The following LZTS1 variants were observed in gnomAD, a reference collection of about 807,000 sequenced individuals.
LZTS1 encodes the protein leucine zipper putative tumor suppressor 1.
A neutral mutation model predicts 45.8 loss-of-function variants in LZTS1; 31 were observed. The observed-to-expected ratio is 0.68, with a 90% CI of 0.51 to 0.91. The LOEUF is 0.91. LZTS1 is among the 40% of genes least tolerant of loss of function. LZTS1 has a pLI of 0.00. For synonymous variants in LZTS1, 359 were observed against 357.3 expected, an observed-to-expected ratio of 1.00 and a Z score of -0.05; for missense variants, 821 against 788.9, an observed-to-expected ratio of 1.04 and a Z score of -0.49.
At chr8:20,301,242 T>C (rs1219783533) in intron 1 of LZTS1, among the ~76,000 whole-genome samples, 1 of 151,712 alleles carries the variant, frequency 6.6e-6, no homozygotes, top group Non-Finnish European at 1.5e-5. Context: ...CAGAATAACA[T>C]GGACAGAGCC....
At chr8:20,295,275 T>C (rs1408929363) in intron 1 of LZTS1, among the ~76,000 whole-genome samples, 2 of 152,190 alleles carry the variant, frequency 1.3e-5, no homozygotes, top group African/African-American at 2.4e-5. Flanking sequence ...CCCCCAGCCT[T>C]CTGCACAAGG....
Position 20,255,531 on chromosome 8 carries a change from A to T in LZTS1, c.-134-216T>A, listed in dbSNP as rs565607542. 1.1e-3 allele frequency among the ~76,000 whole-genome samples: 170 copies of T among 152,264 alleles called. 2 individuals are homozygous for T. The highest frequency in any genetic ancestry group is 2.1e-3 in the Non-Finnish European group (146 of 68,012). On this transcript the variant is annotated intron_variant, in intron 1 of 3. Transcript: ENST00000381569. The stretch of plus-strand genomic sequence containing the variant: ...CAAGCCTCTACTCTAAACACTCGGG[A>T]CCCAGCAAGTGACTAAAACAGTCAC...
chr8:20,263,804 G>A (rs182077292), intron 1 of LZTS1, among the ~76,000 whole-genome samples: 134 of 152,282 alleles, frequency 8.8e-4, no homozygotes, highest in Non-Finnish European at 1.6e-3. Context: ...TCAGGGAACA[G>A]TGTCTCCCGA....
At position 20,253,039 on chromosome 8, in the gene LZTS1, G is replaced by C; in HGVS notation, c.892C>G (p.Arg298Gly). ...ELASSLAYEE[R>G]PRRCRDELEG... The stretch of plus-strand genomic sequence containing the variant: ...AGCTCGTCCCTGCAGCGCCGCGGCC[G>C]CTCCTCGTAGGCCAGGCTGGAGGCA... The change falls in exon 3 of 4, where the codon CGG (arginine) becomes GGG (glycine). Residue 298 changes from arginine to glycine, a missense_variant. Physicochemically the swap from Arg to Gly is moderately radical, Grantham distance 125. Coordinates refer to ENST00000381569, the MANE Select transcript of LZTS1 (RefSeq NM_021020.5). The C allele has an allele frequency of 6.2e-7, 1 of 1,603,280 alleles. No individual in the cohort carries two copies. Among genetic ancestry groups the C allele is most frequent in the Non-Finnish European group, 8.5e-7 (1 of 1,176,630 alleles).
Position 20,273,004 on chromosome 8 carries a change from T to G in LZTS1, c.-134-17689A>C, listed in dbSNP as rs184102929. 7.6e-4 allele frequency among the ~76,000 whole-genome samples: 116 copies of G among 152,328 alleles called. No homozygotes were observed. The Middle Eastern group carries it at 0.01, about 13-fold the overall frequency. On this transcript the variant is annotated intron_variant, in intron 1 of 3. Transcript: ENST00000381569. ...TCTCGAGAGAGACAGAACATCATAC[T>G]CACTATTGCTGCTCGATCATTTCTC... is the stretch of plus-strand genomic sequence containing the variant.
In LZTS1 at chr8:20,255,147, C is replaced by G; in HGVS notation, c.35G>C (p.Ser12Thr). 1.2e-6 allele frequency: 2 copies of G among 1,613,866 alleles called. No individual in the cohort carries two copies. Among genetic ancestry groups the G allele is most frequent in the Non-Finnish European group, 1.7e-6 (2 of 1,179,878 alleles). Residue 12 changes from serine (S) to threonine (T), a missense_variant, in exon 2 of 4, where the codon AGC becomes ACC. By Grantham distance (58) the Ser-to-Thr change is moderately conservative. Coordinates refer to ENST00000381569, the MANE Select transcript of LZTS1 (RefSeq NM_021020.5). ...AGCCCGGCAGTGCTTGCTGTGGAAG[C>G]TGTGGCCGGAGATGAGGCTACTGAC... Reference protein sequence around the residue: ...GSVSSLISGHSFHSKHCRASQ... With the variant: ...GSVSSLISGHTFHSKHCRASQ...
rs372087129 is a variant in LZTS1 at position 20,262,458 on chromosome 8, G to T, written c.-134-7143C>A. Among the ~76,000 whole-genome samples, 59 of 152,294 alleles carry T rather than the reference G, an allele frequency of 3.9e-4. 2 individuals are homozygous for T. The South Asian group carries it at 9.3e-3, about 24-fold the overall frequency. On this transcript the variant is annotated intron_variant, in intron 1 of 3. Coordinates refer to ENST00000381569, the MANE Select transcript of LZTS1 (RefSeq NM_021020.5). ...TGTGTGCACGTCTTTGTGTGTGCAT[G>T]TGTGAACGTGTGTGTGTATACGTGT...
intron 1 of LZTS1, chr8:20,289,098 G>C (rs962005815): frequency 6.6e-6 from 1 of 150,776 alleles, no homozygotes; most frequent in African/African-American, 2.4e-5. Flanking sequence ...AAGGCCGTGG[G>C]CTCTATTTCT....
intron 1 of LZTS1, among the ~76,000 whole-genome samples, chr8:20,297,187 A>G (rs1486489506): frequency 1.3e-5 from 2 of 152,180 alleles, no homozygotes; most frequent in African/African-American, 4.8e-5. Context: ...GACAAGGTGG[A>G]AACACTGAAA....
chr8:20,286,992 G>C (rs1366572229), intron 1 of LZTS1, among the ~76,000 whole-genome samples: 1 of 145,240 alleles, frequency 6.9e-6, no homozygotes, highest in Non-Finnish European at 1.5e-5. Flanking sequence ...CTCTTGACTA[G>C]GCTTCTATGT....
chr8:20,295,530 C>A (rs144949975), intron 1 of LZTS1, among the ~76,000 whole-genome samples: 10 of 152,116 alleles, frequency 6.6e-5, no homozygotes, highest in African/African-American at 2.2e-4. Flanking sequence ...CATTTGGGAC[C>A]GAGCCCTAGA....
Position 20,283,338 on chromosome 8 carries a change from C to T in LZTS1, c.-135+20402G>A, listed in dbSNP as rs145030710. ...GGGATGAGTGTCCTCAGAGAACTAC[C>T]TTGTCCCTTCCACCATCTGAAGACA... On this transcript the variant is annotated intron_variant, in intron 1 of 3. Transcript: ENST00000381569. Among the ~76,000 whole-genome samples the T allele has an allele frequency of 5.3e-5, 8 of 152,262 alleles. No homozygotes were observed. In the East Asian group the frequency reaches 1.5e-3, roughly 29 times the overall value.
At chr8:20,300,373 C>A (rs1244198073) in intron 1 of LZTS1, among the ~76,000 whole-genome samples, 1 of 152,002 alleles carries the variant, frequency 6.6e-6, no homozygotes, top group Non-Finnish European at 1.5e-5. Flanking sequence ...CTCTCTGTTG[C>A]CCAGACTGGA....
At chr8:20,266,759 T>C (rs1356060600) in intron 1 of LZTS1, among the ~76,000 whole-genome samples, 1 of 152,226 alleles carries the variant, frequency 6.6e-6, no homozygotes, top group Non-Finnish European at 1.5e-5. Flanking sequence ...AGTTTGTCTC[T>C]GCCCCTAGCA....
At chr8:20,302,150 G>C (rs555307031) in intron 1 of LZTS1, among the ~76,000 whole-genome samples, 1 of 152,218 alleles carries the variant, frequency 6.6e-6, no homozygotes, top group African/African-American at 2.4e-5. Flanking sequence ...GGCAGGCACA[G>C]AGAGCCCACC....
intron 1 of LZTS1, among the ~76,000 whole-genome samples, chr8:20,297,943 G>C (rs998681579): frequency 6.6e-6 from 1 of 152,156 alleles, no homozygotes; most frequent in African/African-American, 2.4e-5. Context: ...CCATTTAATT[G>C]GTGAACCCCA....
At chr8:20,301,728 T>C (rs902550224) in intron 1 of LZTS1, among the ~76,000 whole-genome samples, 1 of 151,994 alleles carries the variant, frequency 6.6e-6, no homozygotes, top group Non-Finnish European at 1.5e-5. Context: ...TCCCAAAGCA[T>C]TGGCTTTCCC....
intron 1 of LZTS1, among the ~76,000 whole-genome samples, chr8:20,274,037 C>T (rs1193856541): frequency 6.6e-6 from 1 of 152,154 alleles, no homozygotes; most frequent in Non-Finnish European, 1.5e-5. Flanking sequence ...CCCAAAGCCC[C>T]TGGGACTTTG....
intron 1 of LZTS1, among the ~76,000 whole-genome samples, chr8:20,280,983 A>C (rs1175352136): frequency 6.6e-6 from 1 of 152,194 alleles, no homozygotes; most frequent in African/African-American, 2.4e-5. Flanking sequence ...CTGTTCTTTC[A>C]AATCATTCCC....
Sources: gnomAD v4.1 joint callset for allele counts (sites outside exome capture counted in the v4.1 genomes callset) on GRCh38, gnomAD v4.1.1 for gene constraint, MANE v1.5 for transcripts, NCBI Gene and HGNC (gene_info 2026-07-23, HGNC 2026-07-21) for gene names.